Variants in PLEK2 observed in about 807,000 individuals in gnomAD.
The protein encoded by PLEK2 is pleckstrin-2.
In PLEK2, 29 loss-of-function variants were observed where a neutral mutation model predicts 43.8. The observed-to-expected ratio is 0.66, with a 90% CI of 0.49 to 0.90. The LOEUF (loss-of-function observed/expected upper bound fraction) is 0.90, where lower values mean the gene tolerates loss of function less well. Among genes scored for constraint, PLEK2 ranks in the 40% least tolerant of loss-of-function variants. PLEK2 has a pLI of 0.00. For missense variants in PLEK2, 398 were observed against 448.1 expected, an observed-to-expected ratio of 0.89 and a Z score of 1.01; for synonymous variants, 162 against 173.2, an observed-to-expected ratio of 0.94 and a Z score of 0.51.
At chr14:67,399,600 G>A (rs1404547962) in intron 1 of PLEK2, among the ~76,000 whole-genome samples, 5 of 147,678 alleles carry the variant, frequency 3.4e-5, no homozygotes, top group African/African-American at 1.3e-4. Context: ...GGGTAGTTTA[G>A]GTGGTTCTCA....
chr14:67,388,364 C>A, intron 7 of PLEK2, 62 bp from the exon 8 acceptor site: 1 of 957,334 alleles, frequency 1.0e-6, no homozygotes, highest in South Asian at 1.3e-5. Flanking sequence ...GAGTTGCACT[C>A]CCCTTACAAC....
At chr14:67,391,914 T>G (rs2085971753) in intron 6 of PLEK2, among the ~76,000 whole-genome samples, 1 of 152,046 alleles carries the variant, frequency 6.6e-6, no homozygotes, top group Non-Finnish European at 1.5e-5. Context: ...AGAAAGTGTA[T>G]CAAGGAGGCG....
intron 1 of PLEK2, among the ~76,000 whole-genome samples, chr14:67,411,080 G>A (rs571315359): frequency 2.9e-4 from 43 of 149,262 alleles, no homozygotes; most frequent in African/African-American, 9.7e-4. Context: ...CTGGGAAGTC[G>A]AGGCTGTGGT....
intron 2 of PLEK2, among the ~76,000 whole-genome samples, chr14:67,396,078 C>T (rs1375654620): frequency 3.3e-5 from 5 of 152,200 alleles, no homozygotes; most frequent in African/African-American, 1.2e-4. Context: ...TCAAGTCTTT[C>T]ACACATTTCT....
chr14:67,393,354 C>T, intron 3 of PLEK2, 113 bp from the exon 4 acceptor site: 1 of 770,130 alleles, frequency 1.3e-6, no homozygotes, highest in Non-Finnish European at 2.4e-6. Context: ...GTGTGACACA[C>T]ATCACAAAGA....
At chr14:67,411,875 C>T in intron 1 of PLEK2, 143 bp downstream of exon 1, 1 of 718,280 alleles carries the variant, frequency 1.4e-6, no homozygotes, top group Non-Finnish European at 2.2e-6. Flanking sequence ...CCATCAGGGC[C>T]ACAGGCGGCC....
At chr14:67,411,465 C>G (rs901171309) in intron 1 of PLEK2, among the ~76,000 whole-genome samples, 1 of 152,118 alleles carries the variant, frequency 6.6e-6, no homozygotes, top group Non-Finnish European at 1.5e-5. Context: ...TTGGGTCAAC[C>G]TGAGTGGGTC....
At position 67,387,390 on chromosome 14, in the gene PLEK2, AT is replaced by A. The variant is rs1180278940; in HGVS notation, c.1000del (p.Ile334PhefsTer19). Reference protein sequence around the residue: ...VITKDDTHYYIQASSKAERAE... With the variant: ...VITKDDTHYYXQASSKAERAE... Reference sequence around the variant, plus strand: ...TCGCTCAGCCTTGCTGCTGGCCTGAATGTAATAGTGTGTGTCATCCTTAGTA... The same window carrying A: ...TCGCTCAGCCTTGCTGCTGGCCTGAAGTAATAGTGTGTGTCATCCTTAGTA... On this transcript the variant is annotated frameshift_variant, in exon 9 of 9. Transcript: ENST00000216446. LOFTEE classifies it high-confidence loss of function. 1.9e-6 allele frequency: 3 copies of A among 1,611,078 alleles called. No individual in the cohort carries two copies. The African/African-American group carries it at 4.0e-5, about 22-fold the overall frequency.
At chr14:67,394,788 C>A (rs1027539851) in intron 3 of PLEK2, among the ~76,000 whole-genome samples, 1 of 152,102 alleles carries the variant, frequency 6.6e-6, no homozygotes, top group Non-Finnish European at 1.5e-5. Context: ...GGGGGCTCTG[C>A]CCTTGTGAAT....
At chr14:67,391,599 G>A (rs72719127) in intron 6 of PLEK2, among the ~76,000 whole-genome samples, 5,195 of 152,300 alleles carry the variant, frequency 0.034, 109 homozygotes, top group East Asian at 0.06. Flanking sequence ...GCCGAGCCGT[G>A]TAGGTGCCCT....
intron 7 of PLEK2, among the ~76,000 whole-genome samples, chr14:67,390,122 A>G (rs2082450538): frequency 6.6e-6 from 1 of 152,252 alleles, no homozygotes; most frequent in Admixed American, 6.5e-5. Context: ...AATTAGATCC[A>G]CTTAGCATGT....
Position 67,393,157 on chromosome 14 carries a change from G to T in PLEK2, c.474C>A (p.Thr158=), listed in dbSNP as rs1319327985. 2 of 1,611,018 alleles carry T rather than the reference G, an allele frequency of 1.2e-6. No individual in the cohort carries two copies. The highest frequency in any genetic ancestry group is 1.7e-6 in the Non-Finnish European group (2 of 1,177,074). The part of the protein sequence containing the change: ...NMEQGSTYKK[T]FLGSSLVDWL... ...CCTGGGGGACAGGCTCACCGAGGAAGGTCTTTTTATAGGTGCTTCCCTGCT... is the reference window on the plus strand; with the variant it reads ...CCTGGGGGACAGGCTCACCGAGGAATGTCTTTTTATAGGTGCTTCCCTGCT... Residue 158 remains threonine, a synonymous_variant, in exon 4 of 9, where the codon ACC becomes ACA. Transcript: ENST00000216446.
chr14:67,401,798 G>A (rs1191856858), intron 1 of PLEK2, among the ~76,000 whole-genome samples: 2 of 152,062 alleles, frequency 1.3e-5, no homozygotes, highest in Non-Finnish European at 2.9e-5. Context: ...GATATAAGAG[G>A]AGAAAAATGC....
chr14:67,405,494 T>C (rs962182368), intron 1 of PLEK2, among the ~76,000 whole-genome samples: 12 of 152,116 alleles, frequency 7.9e-5, no homozygotes, highest in African/African-American at 2.9e-4. Flanking sequence ...CCCCACCCAG[T>C]ATGAAAAGTT....
At chr14:67,399,605 T>C (rs1203501371) in intron 1 of PLEK2, among the ~76,000 whole-genome samples, 7 of 132,838 alleles carry the variant, frequency 5.3e-5, no homozygotes, top group African/African-American at 1.8e-4. Context: ...GTTTAGGTGG[T>C]TCTCAGGTGG....
At chr14:67,399,146 C>T (rs761359498) in intron 1 of PLEK2, among the ~76,000 whole-genome samples, 8 of 152,166 alleles carry the variant, frequency 5.3e-5, no homozygotes, top group Non-Finnish European at 8.8e-5. Flanking sequence ...AGGACTCTGA[C>T]AGTCTTACCT....
At chr14:67,408,295 TAAATAAAATAAAATA>T (rs571696195) in intron 1 of PLEK2, among the ~76,000 whole-genome samples, 5,615 of 116,680 alleles carry the variant, frequency 0.048, 147 homozygotes, top group East Asian at 0.059. Flanking sequence ...TCAAAATAAA[TAAATAAAATAAAATA>T]AAATAAAATA....
At chr14:67,398,601 C>A in intron 1 of PLEK2, among the ~76,000 whole-genome samples, 1 of 148,734 alleles carries the variant, frequency 6.7e-6, no homozygotes, top group African/African-American at 2.4e-5. Context: ...CGACCCTTCT[C>A]TTTATTCCTG....
intron 2 of PLEK2, among the ~76,000 whole-genome samples, chr14:67,396,130 G>GT (rs1219114436): frequency 1.3e-5 from 2 of 151,778 alleles, no homozygotes; most frequent in Non-Finnish European, 2.9e-5. Context: ...AGGTCGCTTT[G>GT]TTTTTTTGTT....
Sources: gnomAD v4.1 joint callset for allele counts (sites outside exome capture counted in the v4.1 genomes callset) on GRCh38, gnomAD v4.1.1 for gene constraint, MANE v1.5 for transcripts, NCBI Gene and HGNC (gene_info 2026-07-23, HGNC 2026-07-21) for gene names.